The following DENND1A variants were observed in gnomAD, a reference collection of about 807,000 sequenced individuals.
DENND1A encodes the protein DENN domain containing 1A.
DENND1A carries 51 observed loss-of-function variants against 113.7 expected under a neutral mutation model. The observed-to-expected ratio is 0.45, with a 90% confidence interval of 0.36 to 0.57. DENND1A has a LOEUF of 0.57. DENND1A is among the 20% of genes least tolerant of loss of function. The probability of loss-of-function intolerance (pLI) is 0.00; values close to 1 mark genes in which losing one functional copy is unlikely to be tolerated. For missense variants in DENND1A, 1,258 were observed against 1,395.9 expected, an observed-to-expected ratio of 0.90 and a Z score of 1.57; for synonymous variants, 565 against 570.8, an observed-to-expected ratio of 0.99 and a Z score of 0.14.
Position 123,928,634 on chromosome 9 carries a change from A to G in DENND1A, c.17+1255T>C. On this transcript the variant is annotated intron_variant, in intron 1 of 23. Coordinates refer to ENST00000394215, the MANE Select transcript of DENND1A (RefSeq NM_001352964.2). ...TCTAGTTTCATTCAGCAGATGTCTC[A>G]AGGCTGCTGCAGCGCATCTCATACA... 3.0e-6 allele frequency: 3 copies of G among 985,454 alleles called. No homozygotes were observed. In the South Asian group the frequency reaches 1.4e-4, roughly 46 times the overall value. The allele number at this position is 985,454 out of a possible 1,614,324, so 61.0% of individuals were successfully genotyped here.
intron 2 of DENND1A, among the ~76,000 whole-genome samples, chr9:123,797,714 T>C (rs10818873): frequency 0.15 from 22,659 of 152,086 alleles, 2,969 homozygotes; most frequent in African/African-American, 0.35. Flanking sequence ...TGTTCGATTG[T>C]TAAAATTTAC....
intron 11 of DENND1A, among the ~76,000 whole-genome samples, chr9:123,596,836 T>C (rs545491334): frequency 6.6e-6 from 1 of 152,374 alleles, no homozygotes; most frequent in African/African-American, 2.4e-5. Flanking sequence ...CCTAATTATG[T>C]GTGTGACTTT....
chr9:123,443,935 C>A (rs1468215194), intron 18 of DENND1A, among the ~76,000 whole-genome samples: 2 of 151,738 alleles, frequency 1.3e-5, no homozygotes, highest in Non-Finnish European at 2.9e-5. Flanking sequence ...CCAGCCTGGG[C>A]AACAGAGTGA....
intron 15 of DENND1A, among the ~76,000 whole-genome samples, chr9:123,457,142 G>A (rs1369271602): frequency 6.6e-6 from 1 of 152,230 alleles, no homozygotes; most frequent in Admixed American, 6.5e-5. Context: ...GGAAGCAACT[G>A]ATCCTAGGCT....
At chr9:123,425,593 G>A (rs559168927) in intron 19 of DENND1A, among the ~76,000 whole-genome samples, 7 of 150,130 alleles carry the variant, frequency 4.7e-5, no homozygotes, top group South Asian at 2.1e-4. Flanking sequence ...TTTCCTGCCC[G>A]CACTCATTCA....
chr9:123,809,719 G>A (rs1836213210), intron 2 of DENND1A, among the ~76,000 whole-genome samples: 1 of 152,186 alleles, frequency 6.6e-6, no homozygotes, highest in Admixed American at 6.5e-5. Context: ...CACCCAGGCT[G>A]TAGTGCAGTG....
chr9:123,864,470 G>A (rs1845537992), intron 2 of DENND1A, among the ~76,000 whole-genome samples: 2 of 152,292 alleles, frequency 1.3e-5, no homozygotes, highest in Admixed American at 6.5e-5. Context: ...ACAGGCTGAC[G>A]CCGAGGCCCG....
chr9:123,651,937 T>G (rs1589521209), intron 9 of DENND1A, 76 bp downstream of exon 9: 2 of 1,335,976 alleles, frequency 1.5e-6, no homozygotes, highest in Non-Finnish European at 2.1e-6. Flanking sequence ...TTTCTAAAAT[T>G]TTCTTTCATC....
intron 21 of DENND1A, among the ~76,000 whole-genome samples, chr9:123,389,086 C>T (rs2042710325): frequency 1.3e-5 from 2 of 152,190 alleles, no homozygotes; most frequent in African/African-American, 4.8e-5. Context: ...GAAAGGGCAA[C>T]GTGTCCAAAA....
intron 2 of DENND1A, among the ~76,000 whole-genome samples, chr9:123,808,652 C>G (rs928698851): frequency 6.6e-6 from 1 of 152,048 alleles, no homozygotes; most frequent in African/African-American, 2.4e-5. Flanking sequence ...TTCTAAGTTC[C>G]CAGGTGATGT....
At chr9:123,740,140 C>T (rs1035125963) in intron 5 of DENND1A, among the ~76,000 whole-genome samples, 1 of 152,024 alleles carries the variant, frequency 6.6e-6, no homozygotes, top group African/African-American at 2.4e-5. Flanking sequence ...TATGTAACAA[C>T]CCTGCATGTC....
intron 18 of DENND1A, among the ~76,000 whole-genome samples, chr9:123,445,393 G>A (rs73666957): frequency 0.025 from 3,819 of 152,350 alleles, 157 homozygotes; most frequent in African/African-American, 0.087. Context: ...GGAGGTGGAA[G>A]GTTTGAAAGG....
chr9:123,518,739 T>G (rs2054144522), intron 13 of DENND1A, among the ~76,000 whole-genome samples: 2 of 152,060 alleles, frequency 1.3e-5, no homozygotes, highest in Admixed American at 6.5e-5. Flanking sequence ...GACACCACAG[T>G]CCATGCCACC....
intron 2 of DENND1A, among the ~76,000 whole-genome samples, chr9:123,806,000 C>T (rs1272515039): frequency 6.6e-6 from 1 of 152,194 alleles, no homozygotes; most frequent in Non-Finnish European, 1.5e-5. Context: ...ATCACCCAGG[C>T]TGGAGTGCAG....
chr9:123,817,958 C>T (rs1837771048), intron 2 of DENND1A, among the ~76,000 whole-genome samples: 2 of 150,606 alleles, frequency 1.3e-5, no homozygotes, highest in Admixed American at 1.3e-4. Flanking sequence ...ACCTGGGAGG[C>T]GGAAGTTGCG....
intron 2 of DENND1A, among the ~76,000 whole-genome samples, chr9:123,812,384 A>AT (rs770462056): frequency 5.9e-5 from 9 of 151,350 alleles, no homozygotes; most frequent in Admixed American, 4.6e-4. Flanking sequence ...CAATTTATCC[A>AT]TTTTTTCCCT....
At chr9:123,900,155 G>A (rs1851379049) in intron 1 of DENND1A, among the ~76,000 whole-genome samples, 1 of 152,040 alleles carries the variant, frequency 6.6e-6, no homozygotes, top group Non-Finnish European at 1.5e-5. Context: ...CATGATTTGG[G>A]GATTATCAGT....
intron 13 of DENND1A, among the ~76,000 whole-genome samples, chr9:123,468,441 A>G (rs1216196460): frequency 1.3e-5 from 2 of 152,250 alleles, no homozygotes; most frequent in African/African-American, 2.4e-5. Context: ...TGACCAGCAC[A>G]GAGCCTGGAC....
chr9:123,695,759 AC>A (rs1367375766), intron 5 of DENND1A, among the ~76,000 whole-genome samples: 1 of 152,182 alleles, frequency 6.6e-6, no homozygotes, highest in African/African-American at 2.4e-5. Context: ...GTGGGCACAC[AC>A]CCGTGGCAGA....
Sources: allele counts gnomAD v4.1 joint callset (sites outside exome capture counted in the v4.1 genomes callset), GRCh38; gene constraint gnomAD v4.1.1; transcripts MANE v1.5; gene names NCBI Gene and HGNC (gene_info 2026-07-23, HGNC 2026-07-21).